The following NSUN2 variants were observed in gnomAD, a reference collection of about 807,000 sequenced individuals.
NSUN2 encodes the protein NOP2/Sun RNA methyltransferase 2, also known as RNA cytosine C(5)-methyltransferase NSUN2.
Under a neutral mutation model 92.7 loss-of-function variants are expected in NSUN2, and 63 were observed. That is an observed-to-expected ratio of 0.68 (90% confidence interval 0.56 to 0.84). The LOEUF (loss-of-function observed/expected upper bound fraction) is 0.84. NSUN2 is among the 40% of genes least tolerant of loss of function. The pLI, the probability that NSUN2 is intolerant of heterozygous loss-of-function variation, is 0.00. For synonymous variants in NSUN2, 356 were observed against 348.3 expected (o/e 1.02, Z -0.25); for missense variants, 989 against 964.9 (o/e 1.02, Z -0.33).
At chr5:6,610,313 G>C (rs1289862213) in intron 11 of NSUN2, among the ~76,000 whole-genome samples, 2 of 151,960 alleles carry the variant, frequency 1.3e-5, no homozygotes, top group African/African-American at 2.4e-5. Context: ...TTGAGCTCAA[G>C]TGATCCATCA....
At chr5:6,631,800 C>T in intron 3 of NSUN2, 73 bp downstream of exon 3, 2 of 1,152,886 alleles carry the variant, frequency 1.7e-6, no homozygotes, top group Non-Finnish European at 2.6e-6. Context: ...AATGCAGTAC[C>T]AAGAAATATA....
Position 6,631,967 on chromosome 5 carries a change from C to T in NSUN2, c.265G>A (p.Glu89Lys), listed in dbSNP as rs1161445921. 3 of 1,611,460 alleles carry T rather than the reference C, an allele frequency of 1.9e-6. No individual in the cohort carries two copies. Among genetic ancestry groups the T allele is most frequent in the Admixed American group, 1.7e-5 (1 of 59,726 alleles). Residue 89 changes from glutamate (E) to lysine (K), a missense_variant, in exon 3 of 19, where the codon GAG becomes AAG. Glu to Lys is a moderately conservative substitution (Grantham distance 56). Coordinates refer to ENST00000264670, the MANE Select transcript of NSUN2 (RefSeq NM_017755.6). ...TTGTTCTTTAAGCAATGGAGAATCT[C>T]TTTTGCGTGGCTATTGAAAAATAAG... The part of the protein sequence containing the change: ...RITGYKSHAK[E>K]ILHCLKNKYF...
chr5:6,606,697 TAAAAA>T (rs3996725), intron 14 of NSUN2, 118 bp downstream of exon 14: 201 of 470,172 alleles, frequency 4.3e-4, no homozygotes, highest in South Asian at 7.1e-4. Flanking sequence ...TTAAAAAGGT[TAAAAA>T]AAAAAAAAAA....
At chr5:6,621,918 T>C (rs566619293) in intron 6 of NSUN2, 98 bp downstream of exon 6, 197 of 1,045,974 alleles carry the variant, frequency 1.9e-4, no homozygotes, top group Admixed American at 2.9e-4. Flanking sequence ...CATAGGAGAC[T>C]TTAGAGCCAA....
intron 8 of NSUN2, 99 bp downstream of exon 8, chr5:6,617,851 A>T: frequency 1.1e-6 from 1 of 890,610 alleles, no homozygotes; most frequent in East Asian, 2.7e-5. Context: ...TCTGATGCTT[A>T]CAGCTCTCTA....
chr5:6,622,348 G>C (rs972762763), intron 5 of NSUN2, among the ~76,000 whole-genome samples: 2 of 152,216 alleles, frequency 1.3e-5, no homozygotes, highest in African/African-American at 4.8e-5. Context: ...TAAATATAGA[G>C]ATGAACAAGT....
chr5:6,608,661 G>A (rs186075551), intron 12 of NSUN2, among the ~76,000 whole-genome samples: 5 of 152,318 alleles, frequency 3.3e-5, no homozygotes, highest in East Asian at 3.9e-4. Flanking sequence ...GTATTAACAC[G>A]TCAGAAACAT....
rs1736846738 is a variant in NSUN2 at position 6,607,979 on chromosome 5, C to T, written c.1324-595G>A. On this transcript the variant is annotated intron_variant, in intron 12 of 18. Transcript: ENST00000264670. ...TTTACTTAAAGATCTTTAAAAAATA[C>T]ATGTCCTTTTTAACATTTTAACAGG... is the stretch of plus-strand genomic sequence containing the variant. Among the ~76,000 whole-genome samples, 3 of 152,004 alleles carry T rather than the reference C, an allele frequency of 2.0e-5. 1 individual carries two copies. Among genetic ancestry groups the T allele is most frequent in the Middle Eastern group, 6.8e-3 (2 of 294 alleles).
intron 3 of NSUN2, among the ~76,000 whole-genome samples, chr5:6,627,088 A>C (rs1019984945): frequency 2.6e-5 from 4 of 152,204 alleles, no homozygotes; most frequent in African/African-American, 9.7e-5. Flanking sequence ...GCCACCCTCC[A>C]AAGGTCCCCA....
intron 9 of NSUN2, among the ~76,000 whole-genome samples, chr5:6,612,532 G>A (rs1737043042): frequency 6.6e-6 from 1 of 152,170 alleles, no homozygotes; most frequent in Non-Finnish European, 1.5e-5. Flanking sequence ...GGAAACCAGT[G>A]AGACCAGCTA....
At chr5:6,606,792 T>G (rs369934888) in intron 14 of NSUN2, 28 bp downstream of exon 14, 3 of 1,284,444 alleles carry the variant, frequency 2.3e-6, no homozygotes, top group East Asian at 2.3e-5. Context: ...TTTCTTTAAA[T>G]GAATAATTAA....
At chr5:6,619,362 T>C (rs1436298821) in intron 7 of NSUN2, among the ~76,000 whole-genome samples, 1 of 152,240 alleles carries the variant, frequency 6.6e-6, no homozygotes, top group Admixed American at 6.5e-5. Context: ...TATCTAAAGC[T>C]TGCATTCTGT....
chr5:6,607,208 G>T lies in NSUN2; in HGVS notation c.1500C>A (p.Gly500=), dbSNP rs370596266. Residue 500 remains glycine (G), a synonymous_variant, in exon 13 of 19, where the codon GGC becomes GGA. Transcript: ENST00000264670. ...DLENNGSKKD[G]VCGPPPSKKM... is the part of the protein sequence containing the mutation. ...ATAACCACTTTTCTTACCCACACAC[G>T]CCATCTTTCTTACTGCCATTATTCT... 1 of 1,613,900 alleles carries T rather than the reference G, an allele frequency of 6.2e-7. No homozygotes were observed. Among genetic ancestry groups the T allele is most frequent in the South Asian group, 1.1e-5 (1 of 91,080 alleles).
chr5:6,631,255 T>G (rs905123543), intron 3 of NSUN2, among the ~76,000 whole-genome samples: 2 of 152,200 alleles, frequency 1.3e-5, no homozygotes, highest in Non-Finnish European at 2.9e-5. Flanking sequence ...CTTTACAAGA[T>G]GCTATCAGCA....
intron 18 of NSUN2, among the ~76,000 whole-genome samples, chr5:6,600,871 C>T (rs553791419): frequency 6.6e-6 from 1 of 152,314 alleles, no homozygotes; most frequent in East Asian, 1.9e-4. Flanking sequence ...TACCCACAGT[C>T]AAAAACATCC....
chr5:6,623,485 A>G (rs912369273), intron 4 of NSUN2, among the ~76,000 whole-genome samples, 200 bp from the exon 5 acceptor site: 7 of 152,208 alleles, frequency 4.6e-5, no homozygotes, highest in African/African-American at 1.7e-4. Flanking sequence ...TACCATTCAA[A>G]TATTAGAAAT....
chr5:6,608,491 G>A (rs1736870752), intron 12 of NSUN2, among the ~76,000 whole-genome samples: 1 of 152,226 alleles, frequency 6.6e-6, no homozygotes, highest in Non-Finnish European at 1.5e-5. Flanking sequence ...GGCCATGCTA[G>A]CACTAGATCT....
intron 12 of NSUN2, 33 bp downstream of exon 12, chr5:6,609,793 A>C: frequency 6.5e-7 from 1 of 1,531,160 alleles, no homozygotes; most frequent in Non-Finnish European, 9.0e-7. Flanking sequence ...ACAAGATCAA[A>C]TGTTATGTCA....
intron 7 of NSUN2, 64 bp from the exon 8 acceptor site, chr5:6,618,088 A>C (rs892880697): frequency 1.6e-5 from 17 of 1,037,022 alleles, no homozygotes; most frequent in Non-Finnish European, 2.5e-5. Context: ...TTTAACAGAT[A>C]TGTCACATAC....
Sources: allele counts gnomAD v4.1 joint callset (sites outside exome capture counted in the v4.1 genomes callset), GRCh38; gene constraint gnomAD v4.1.1; transcripts MANE v1.5; gene names NCBI Gene and HGNC (gene_info 2026-07-23, HGNC 2026-07-21).